The following NOX5 variants were observed in gnomAD, a reference collection of about 807,000 sequenced individuals.
NOX5 encodes the protein NADPH oxidase 5, also known as NADPH oxidase, EF-hand calcium binding domain 5.
Under a neutral mutation model 85.7 loss-of-function variants are expected in NOX5, and 76 were observed. That is an observed-to-expected ratio of 0.89 (90% CI 0.74 to 1.07). The LOEUF (loss-of-function observed/expected upper bound fraction) is 1.07, where lower values mean the gene tolerates loss of function less well. Among genes scored for constraint, NOX5 ranks in the 50% least tolerant of loss-of-function variants. The probability of loss-of-function intolerance (pLI) is 0.00; values close to 1 mark genes in which losing one functional copy is unlikely to be tolerated. For synonymous variants in NOX5, 405 were observed against 401.4 expected (o/e 1.01, Z -0.11); for missense variants, 973 against 999.5 (o/e 0.97, Z 0.36).
chr15:69,021,042 A>G (rs1272260176), intron 1 of NOX5, among the ~76,000 whole-genome samples: 2 of 152,206 alleles, frequency 1.3e-5, no homozygotes, highest in Non-Finnish European at 2.9e-5. Context: ...GGTTCTAACT[A>G]ACTAAACTAA....
intron 8 of NOX5, 85 bp from the exon 9 acceptor site, chr15:69,038,772 C>A: frequency 6.3e-7 from 1 of 1,588,880 alleles, no homozygotes; most frequent in Admixed American, 1.7e-5. Flanking sequence ...AGGAGGAGGG[C>A]AGCCCAGCTT....
chr15:69,017,372 G>A (rs1595765101), intron 1 of NOX5, among the ~76,000 whole-genome samples: 1 of 152,000 alleles, frequency 6.6e-6, no homozygotes, highest in Non-Finnish European at 1.5e-5. Flanking sequence ...GGCTGGTCTC[G>A]AACTCCTGAC....
intron 9 of NOX5, 39 bp downstream of exon 9, chr15:69,039,028 C>T: frequency 6.2e-7 from 1 of 1,610,354 alleles, no homozygotes; most frequent in South Asian, 1.1e-5. Context: ...CACATATTCA[C>T]TGAGTTCCTA....
At chr15:69,022,312 GA>G (rs2050305048) in intron 1 of NOX5, 1 of 178,350 alleles carries the variant, frequency 5.6e-6, no homozygotes, top group African/African-American at 2.4e-5. Context: ...TCAAAGACCT[GA>G]AAGCATTTAC....
rs145542415 is a variant in NOX5, at chr15:69,038,881, C to G, written c.1396C>G (p.Pro466Ala). Residue 466 changes from proline (P) to alanine (A), a missense_variant, in exon 9 of 16, where the codon CCC becomes GCC. Pro to Ala is a conservative substitution (Grantham distance 27). Coordinates refer to ENST00000388866, the MANE Select transcript of NOX5 (RefSeq NM_024505.4). ...SKVTHLLIKR[P>A]PFFHYRPGDY... ...GGTCACTCATCTCCTCATCAAGCGG[C>G]CCCCTTTTTTTCACTATAGACCTGG... The G allele has an allele frequency of 1.9e-6, 3 of 1,614,164 alleles. No homozygotes were observed. In the South Asian group the frequency reaches 3.3e-5, roughly 18 times the overall value.
chr15:69,056,729 A>G lies in NOX5; in HGVS notation c.*33A>G. The G allele has an allele frequency of 6.2e-7, 1 of 1,610,736 alleles. No individual in the cohort carries two copies. The highest frequency in any genetic ancestry group is 8.5e-7 in the Non-Finnish European group (1 of 1,178,822). ...TCTCCAAGCTCTGCCCCAAGTCCAC[A>G]CCATGGGTCTGCTTCATTGCATTAG... On this transcript the variant is annotated 3_prime_UTR_variant, in exon 16 of 16. Coordinates refer to ENST00000388866, the MANE Select transcript of NOX5 (RefSeq NM_024505.4).
chr15:69,049,065 G>T lies in NOX5; in HGVS notation c.1999+7G>T. The T allele has an allele frequency of 6.2e-7, 1 of 1,604,760 alleles. No homozygotes were observed. The highest frequency in any genetic ancestry group is 8.5e-7 in the Non-Finnish European group (1 of 1,174,282). ...GCCGAGGAGGCTCAATACGGTAAGA[G>T]AGGGACAGGGCCTGAGGGCAGTAGG... On this transcript the variant is annotated splice_region_variant and intron_variant, in intron 14 of 15. Transcript: ENST00000388866.
rs2050863458 is a variant in NOX5 at position 69,060,732 on chromosome 15, A to G, written c.*4036A>G. 6.6e-6 allele frequency: 1 copy of G among 152,262 alleles called. No individual in the cohort carries two copies. The highest frequency in any genetic ancestry group is 2.1e-4 in the South Asian group (1 of 4,834). 9.4% of individuals were successfully genotyped at this position (152,262 alleles called of 1,614,324 possible). A position where few individuals can be genotyped will look rare whatever the true frequency, so the allele number is the denominator to read the frequency against. ...AAAAAACAAGTACCAAGTGTTTGAT[A>G]TAATCCTATTTATAACACAGAAAAT... On this transcript the variant is annotated 3_prime_UTR_variant, in exon 16 of 16. Coordinates refer to ENST00000388866, the MANE Select transcript of NOX5 (RefSeq NM_024505.4).
At chr15:69,022,349 C>G (rs2050305369) in intron 1 of NOX5, 1 of 164,932 alleles carries the variant, frequency 6.1e-6, no homozygotes, top group Non-Finnish European at 1.4e-5. Context: ...TTCATAACAT[C>G]TGTTATCAAG....
At chr15:69,035,594 C>T in intron 6 of NOX5, 87 bp downstream of exon 6, 1 of 1,562,648 alleles carries the variant, frequency 6.4e-7, no homozygotes, top group South Asian at 1.2e-5. Flanking sequence ...GTGTGTACTG[C>T]CTGCCCAAAG....
chr15:69,022,781 A>G (rs2050310419), intron 1 of NOX5: 1 of 205,764 alleles, frequency 4.9e-6, no homozygotes, highest in Non-Finnish European at 1.0e-5. Flanking sequence ...GTGTGTCAGA[A>G]GGAAAAAGAA....
In NOX5 at chr15:69,055,332, AG is replaced by A; in HGVS notation, c.2000del. The A allele has an allele frequency of 6.2e-7, 1 of 1,613,710 alleles. No individual in the cohort carries two copies. Among genetic ancestry groups the A allele is most frequent in the African/African-American group, 1.3e-5 (1 of 75,054 alleles). Reference sequence around the variant, plus strand: ...GTGCAGCCCTTGTCCCCTGCCCAACAGGCCGCTTCCTGGAGCTGCATATGTA... The same window carrying A: ...GTGCAGCCCTTGTCCCCTGCCCAACAGCCGCTTCCTGGAGCTGCATATGTA... On this transcript the variant is annotated splice_acceptor_variant, in intron 14 of 15. Transcript: ENST00000388866. LOFTEE classifies it high-confidence loss of function.
intron 9 of NOX5, among the ~76,000 whole-genome samples, chr15:69,040,935 AC>A (rs1248742090): frequency 6.6e-6 from 1 of 151,978 alleles, no homozygotes; most frequent in Non-Finnish European, 1.5e-5. Context: ...TGATCCACCC[AC>A]CTTTTCCAAA....
chr15:69,042,712 G>A lies in NOX5; in HGVS notation c.1554G>A (p.Leu518=). 2 of 1,614,140 alleles carry A rather than the reference G, an allele frequency of 1.2e-6. No individual in the cohort carries two copies. The highest frequency in any genetic ancestry group is 1.7e-6 in the Non-Finnish European group (2 of 1,180,028). Residue 518 remains leucine, a synonymous_variant, in exon 10 of 16, where the codon CTG becomes CTA. Transcript: ENST00000388866. ...CCCAAGGCCAGTGGACAAACAGGCT[G>A]TATGAGTCCTTCAAGGCATCAGACC... ...IRSQGQWTNR[L]YESFKASDPL... is the part of the protein sequence containing the mutation.
chr15:69,019,117 C>T (rs1477385207), intron 1 of NOX5, among the ~76,000 whole-genome samples: 1 of 152,200 alleles, frequency 6.6e-6, no homozygotes, highest in Admixed American at 6.5e-5. Flanking sequence ...CCTGCCTCAG[C>T]CTCCCAGTGT....
intron 1 of NOX5, chr15:69,023,076 T>G (rs1378018495): frequency 2.3e-6 from 1 of 436,202 alleles, no homozygotes; most frequent in African/African-American, 2.1e-5. Context: ...CCACTGTGAG[T>G]TCAATAATAA....
Position 69,035,247 on chromosome 15 carries a change from T to C in NOX5, c.856-107T>C, listed in dbSNP as rs1345789595. The C allele has an allele frequency of 8.6e-6, 11 of 1,271,884 alleles. No homozygotes were observed. The Admixed American group carries it at 1.3e-4, about 16-fold the overall frequency. 78.8% of individuals were successfully genotyped at this position (1,271,884 alleles called of 1,614,324 possible). On this transcript the variant is annotated intron_variant, in intron 5 of 15. Coordinates refer to ENST00000388866, the MANE Select transcript of NOX5 (RefSeq NM_024505.4). ...GGGCAGGGGACTTTGGTGAGTGTCC[T>C]GTTCAGAAAGCACAGCTAGCTCAGG... is the stretch of plus-strand genomic sequence containing the variant.
In NOX5 at chr15:69,033,084, C is replaced by T; in HGVS notation, c.662C>T (p.Pro221Leu). The T allele has an allele frequency of 6.4e-7, 1 of 1,552,664 alleles. No individual in the cohort carries two copies. Residue 221 changes from proline (P) to leucine (L), a missense_variant, in exon 5 of 16, where the codon CCG becomes CTG. Physicochemically the swap from Pro to Leu is moderately conservative, Grantham distance 98. Coordinates refer to ENST00000388866, the MANE Select transcript of NOX5 (RefSeq NM_024505.4). ...ACGGCCCCCGCCCCCCGCCCACGCC[C>T]GCGCCGGCCGCGCCAGCTGACCCGC... The part of the protein sequence containing the change: ...WLTAPAPRPR[P>L]RRPRQLTRAY...
chr15:69,035,503 C>G lies in NOX5; in HGVS notation c.1005C>G (p.Asn335Lys). 2 of 1,614,034 alleles carry G rather than the reference C, an allele frequency of 1.2e-6. No individual in the cohort carries two copies. The highest frequency in any genetic ancestry group is 2.2e-5 in the South Asian group (2 of 91,056). Residue 335 changes from asparagine (N) to lysine (K), a missense_variant, in exon 6 of 16, where the codon AAC becomes AAG. Coordinates refer to ENST00000388866, the MANE Select transcript of NOX5 (RefSeq NM_024505.4). ...SLVHTVAHTVNFVLQAQAEAS... is the reference protein window; with the variant it reads ...SLVHTVAHTVKFVLQAQAEAS... Reference sequence around the variant, plus strand: ...TGCACACCGTGGCTCACACTGTGAACTTTGGTGAGTGATCTGGGGCAGGGT... The same window carrying G: ...TGCACACCGTGGCTCACACTGTGAAGTTTGGTGAGTGATCTGGGGCAGGGT...
Sources: gnomAD v4.1 joint callset for allele counts (sites outside exome capture counted in the v4.1 genomes callset) on GRCh38, gnomAD v4.1.1 for gene constraint, MANE v1.5 for transcripts, NCBI Gene and HGNC (gene_info 2026-07-23, HGNC 2026-07-21) for gene names.